Variants in ZNF444 observed in about 807,000 individuals in gnomAD.
The protein encoded by ZNF444 is zinc finger protein 444, also known as endothelial zinc finger protein 2.
ZNF444 carries 8 observed loss-of-function variants against 14.4 expected under a neutral mutation model. The ratio of observed to expected loss-of-function variants is 0.56; its 90% CI spans 0.33 to 1.00. The LOEUF is 1.00. ZNF444 is among the 50% of genes least tolerant of loss of function. The pLI is 0.03. For missense variants in ZNF444, 510 were observed against 504.8 expected (o/e 1.01, Z -0.10); for synonymous variants, 258 against 235.9 (o/e 1.09, Z -0.86).
rs1051693749 is a variant in ZNF444 at position 56,158,299 on chromosome 19, T to C, written c.298-195T>C. On this transcript the variant is annotated intron_variant, in intron 3 of 4. Transcript: ENST00000337080. ...GGTTGGTGGCTTCAAGATGGCTCCC[T>C]GGCAGGGGGTTGGCAGGAGGCCTTG... 13 of 507,936 alleles carry C rather than the reference T, an allele frequency of 2.6e-5. No homozygotes were observed. The East Asian group carries it at 4.6e-4, about 18-fold the overall frequency. 31.5% of individuals were successfully genotyped at this position (507,936 alleles called of 1,614,324 possible). A position where few individuals can be genotyped will look rare whatever the true frequency, so the allele number is the denominator to read the frequency against.
chr19:56,149,098 TC>T (rs1379313926), intron 3 of ZNF444, among the ~76,000 whole-genome samples: 5 of 119,102 alleles, frequency 4.2e-5, no homozygotes, highest in African/African-American at 7.2e-5. Context: ...TCTGCTTCCA[TC>T]CCCCATCACT....
upstream of ZNF444, among the ~76,000 whole-genome samples, chr19:56,140,088 C>T (rs2030716966): frequency 6.6e-6 from 1 of 152,190 alleles, no homozygotes; most frequent in Non-Finnish European, 1.5e-5. Context: ...AGCCACTCAT[C>T]GCTTGTGAAA....
intron 3 of ZNF444, among the ~76,000 whole-genome samples, chr19:56,148,570 G>A (rs77065857): frequency 0.062 from 9,497 of 151,990 alleles, 470 homozygotes; most frequent in African/African-American, 0.14. Flanking sequence ...CATGCGGCCC[G>A]ACCAGCCCCC....
chr19:56,142,948 G>T (rs1274495966), intron 1 of ZNF444, among the ~76,000 whole-genome samples: 2 of 152,144 alleles, frequency 1.3e-5, no homozygotes, highest in Non-Finnish European at 2.9e-5. Context: ...TCTCCCTATG[G>T]TAAGAGGGGA....
At position 56,145,889 on chromosome 19, in the gene ZNF444, C is replaced by T. The variant is rs2031149799; in HGVS notation, c.-196-358C>T. Among the ~76,000 whole-genome samples, 1 of 152,198 alleles carries T rather than the reference C, an allele frequency of 6.6e-6. No homozygotes were observed. Among genetic ancestry groups the T allele is most frequent in the Non-Finnish European group, 1.5e-5 (1 of 68,034 alleles). ...AGGGCCTCTGCCAGGCTGCAGGTGG[C>T]CTCCTTGCTGTGTGCTCCTGCTGGC... On this transcript the variant is annotated intron_variant, in intron 1 of 4. Coordinates refer to ENST00000337080, the MANE Select transcript of ZNF444 (RefSeq NM_018337.4). The surrounding 1 kb of genome is among the most constrained non-coding windows in gnomAD (Gnocchi z 4.3).
intron 1 of ZNF444, among the ~76,000 whole-genome samples, chr19:56,143,172 A>G (rs2030943389): frequency 6.6e-6 from 1 of 152,218 alleles, no homozygotes. Flanking sequence ...ACATGGTGGA[A>G]GGCCCTTACT....
intron 1 of ZNF444, among the ~76,000 whole-genome samples, chr19:56,132,974 G>T (rs1320220296): frequency 9.4e-6 from 1 of 106,792 alleles, no homozygotes; most frequent in Non-Finnish European, 1.7e-5. Context: ...GTCTCACACT[G>T]TTGCCCAGGC....
intron 1 of ZNF444, among the ~76,000 whole-genome samples, chr19:56,133,232 C>G (rs1349133402): frequency 2.0e-5 from 3 of 151,654 alleles, no homozygotes; most frequent in Non-Finnish European, 2.9e-5. Context: ...ACCACCATGC[C>G]CGGCTAATTT....
chr19:56,152,331 C>CA (rs1162528500), intron 3 of ZNF444, among the ~76,000 whole-genome samples: 1,207 of 80,602 alleles, frequency 0.015, 16 homozygotes, highest in Middle Eastern at 0.044. Context: ...GACTCTGTCT[C>CA]AAAAAAAAAA....
chr19:56,149,426 C>T (rs1404796774), intron 3 of ZNF444, among the ~76,000 whole-genome samples: 1 of 150,010 alleles, frequency 6.7e-6, no homozygotes, highest in Non-Finnish European at 1.5e-5. Flanking sequence ...CCTCTGCTTC[C>T]ATCCCCCATC....
upstream of ZNF444, among the ~76,000 whole-genome samples, chr19:56,136,826 G>C (rs1167003865): frequency 2.0e-5 from 3 of 151,964 alleles, no homozygotes. Flanking sequence ...TTGTTGCCCA[G>C]GCTGGAGTGC....
Position 56,160,481 on chromosome 19 carries a change from C to G in ZNF444, c.*280C>G, listed in dbSNP as rs2032227139. 2.4e-6 allele frequency: 1 copy of G among 412,180 alleles called. No homozygotes were observed. The highest frequency in any genetic ancestry group is 4.3e-6 in the Non-Finnish European group (1 of 232,970). 25.5% of individuals were successfully genotyped at this position (412,180 alleles called of 1,614,324 possible). ...AAGGGGCCTCTCCCTAATGTCTCCT[C>G]CTTCCCCCCTCTTCTCTCTCCTGCG... On this transcript the variant is annotated 3_prime_UTR_variant, in exon 5 of 5. Coordinates refer to ENST00000337080, the MANE Select transcript of ZNF444 (RefSeq NM_018337.4).
chr19:56,154,768 T>C (rs1442566186), intron 3 of ZNF444: 3 of 150,168 alleles, frequency 2.0e-5, no homozygotes, highest in African/African-American at 7.4e-5. Context: ...CCTTAGGGGA[T>C]CCTCAGCAGA....
chr19:56,160,030 G>T lies in ZNF444; in HGVS notation c.813G>T (p.Thr271=). Residue 271 remains threonine (T), a synonymous_variant, in exon 5 of 5, where the codon ACG becomes ACT. Coordinates refer to ENST00000337080, the MANE Select transcript of ZNF444 (RefSeq NM_018337.4). ...AGCACCTGGTGCGCCACCGCAAGAC[G>T]CACTCGGGAGCGCGGCCCTTTGCCT... ...WREHLVRHRK[T]HSGARPFACW... 1 of 1,509,272 alleles carries T rather than the reference G, an allele frequency of 6.6e-7. No individual in the cohort carries two copies. The highest frequency in any genetic ancestry group is 8.8e-7 in the Non-Finnish European group (1 of 1,134,614). The allele number at this position is 1,509,272 out of a possible 1,614,324, so 93.5% of individuals were successfully genotyped here.
chr19:56,144,933 G>A lies in ZNF444; in HGVS notation c.-196-1314G>A, dbSNP rs983383641. ...TCCAGTGTCCTTGAGGTCAGGGGCC[G>A]GCAGTCTTGTCCTGTAAAGAGCCAG... On this transcript the variant is annotated intron_variant, in intron 1 of 4. Transcript: ENST00000337080. The surrounding 1 kb of genome is among the most constrained non-coding windows in gnomAD (Gnocchi z 4.0). Among the ~76,000 whole-genome samples, 3 of 152,204 alleles carry A rather than the reference G, an allele frequency of 2.0e-5. No individual in the cohort carries two copies. The highest frequency in any genetic ancestry group is 4.4e-5 in the Non-Finnish European group (3 of 68,038).
chr19:56,159,580 C>G, intron 4 of ZNF444, 44 bp from the exon 5 acceptor site: 2 of 1,411,702 alleles, frequency 1.4e-6, no homozygotes, highest in Middle Eastern at 2.2e-4. Context: ...GTCCTTGCCC[C>G]GCCCTCGTGC....
intron 1 of ZNF444, chr19:56,132,865 C>T (rs998493437): frequency 1.3e-5 from 2 of 152,060 alleles, no homozygotes; most frequent in African/African-American, 4.8e-5. Flanking sequence ...CGGTGGAAAA[C>T]CTGCTGCCGG....
At chr19:56,142,260 T>G (rs1211082498) in intron 1 of ZNF444, 1 of 152,188 alleles carries the variant, frequency 6.6e-6, no homozygotes, top group African/African-American at 2.4e-5. Context: ...TTTGTTCTCC[T>G]TCTATCACTT....
chr19:56,160,013 G>C lies in ZNF444; in HGVS notation c.796G>C (p.Val266Leu). The change falls in exon 5 of 5, where the codon GTG (valine) becomes CTG (leucine). Residue 266 changes from valine (V) to leucine (L), a missense_variant. Val to Leu is a conservative substitution (Grantham distance 32). Coordinates refer to ENST00000337080, the MANE Select transcript of ZNF444 (RefSeq NM_018337.4). ...GKTFYWREHL[V>L]RHRKTHSGAR... is the part of the protein sequence containing the mutation. ...GACCTTCTACTGGCGCGAGCACCTG[G>C]TGCGCCACCGCAAGACGCACTCGGG... 6.6e-7 allele frequency: 1 copy of C among 1,512,364 alleles called. No individual in the cohort carries two copies. The highest frequency in any genetic ancestry group is 2.1e-5 in the Admixed American group (1 of 48,362). 93.7% of individuals were successfully genotyped at this position (1,512,364 alleles called of 1,614,324 possible).
Sources: allele counts gnomAD v4.1 joint callset (sites outside exome capture counted in the v4.1 genomes callset), GRCh38; gene constraint gnomAD v4.1.1; non-coding constraint Gnocchi (gnomAD v3.1); transcripts MANE v1.5; gene names NCBI Gene and HGNC (gene_info 2026-07-23, HGNC 2026-07-21).